The following GALNT14 variants were observed in gnomAD, a reference collection of about 807,000 sequenced individuals.
GALNT14 encodes the protein polypeptide N-acetylgalactosaminyltransferase 14.
A neutral mutation model predicts 77.5 loss-of-function variants in GALNT14; 60 were observed. The observed-to-expected ratio is 0.77, with a 90% CI of 0.63 to 0.96. GALNT14 has a LOEUF of 0.96. Among genes scored for constraint, GALNT14 ranks in the 40% least tolerant of loss-of-function variants. The pLI, the probability that GALNT14 is intolerant of heterozygous loss-of-function variation, is 0.00. For missense variants in GALNT14, 710 were observed against 731.0 expected (o/e 0.97, Z 0.33); for synonymous variants, 280 against 281.7 (o/e 0.99, Z 0.06).
chr2:31,065,894 C>A (rs1674918906), intron 1 of GALNT14, among the ~76,000 whole-genome samples: 1 of 152,090 alleles, frequency 6.6e-6, no homozygotes, highest in African/African-American at 2.4e-5. Context: ...CTAAGTATCC[C>A]CCAGAGACCA....
At chr2:31,109,608 A>C (rs1053386938) in intron 1 of GALNT14, among the ~76,000 whole-genome samples, 1 of 152,234 alleles carries the variant, frequency 6.6e-6, no homozygotes, top group African/African-American at 2.4e-5. Flanking sequence ...AGACACTCAC[A>C]CAGGAACTGG....
intron 1 of GALNT14, chr2:31,114,951 T>G (rs1678032199): frequency 3.2e-6 from 2 of 625,046 alleles, no homozygotes; most frequent in Non-Finnish European, 5.8e-6. Flanking sequence ...CAGAAGACAA[T>G]GGAAAACCAT....
intron 9 of GALNT14, among the ~76,000 whole-genome samples, chr2:30,939,396 G>T (rs989798376): frequency 2.0e-5 from 3 of 152,144 alleles, no homozygotes; most frequent in African/African-American, 7.2e-5. Flanking sequence ...CTAATAGTGG[G>T]TTGGACTCAC....
At chr2:30,954,526 A>C (rs971708979) in intron 6 of GALNT14, among the ~76,000 whole-genome samples, 1 of 152,198 alleles carries the variant, frequency 6.6e-6, no homozygotes, top group Admixed American at 6.5e-5. Flanking sequence ...CCAATCTCAG[A>C]GAAAATGGTT....
chr2:30,991,896 C>T (rs1669728764), intron 2 of GALNT14, among the ~76,000 whole-genome samples: 1 of 152,178 alleles, frequency 6.6e-6, no homozygotes, highest in Non-Finnish European at 1.5e-5. Flanking sequence ...TGCTCATAAA[C>T]CCCAGTTTCC....
In GALNT14 at chr2:31,047,951, C is replaced by T. The variant is rs183857693; in HGVS notation, c.130-54944G>A. Reference sequence around the variant, plus strand: ...CTTCAACTCCAGGTTGTTTCAATGCCGGTACCCAGCCTGTCCTCAACAGCA... The same window carrying T: ...CTTCAACTCCAGGTTGTTTCAATGCTGGTACCCAGCCTGTCCTCAACAGCA... On this transcript the variant is annotated intron_variant, in intron 1 of 14. Coordinates refer to ENST00000349752, the MANE Select transcript of GALNT14 (RefSeq NM_024572.4). Among the ~76,000 whole-genome samples, 169 of 152,348 alleles carry T rather than the reference C, an allele frequency of 1.1e-3. 4 individuals are homozygous for T. The South Asian group carries it at 0.022, about 19-fold the overall frequency.
intron 1 of GALNT14, among the ~76,000 whole-genome samples, chr2:31,112,818 T>C (rs1677910886): frequency 6.6e-6 from 1 of 152,214 alleles, no homozygotes; most frequent in Non-Finnish European, 1.5e-5. Context: ...CAAGTCCTCC[T>C]TTCTCATGTT....
intron 1 of GALNT14, among the ~76,000 whole-genome samples, chr2:31,119,217 C>T (rs910432902): frequency 3.3e-5 from 5 of 151,976 alleles, no homozygotes; most frequent in Admixed American, 2.0e-4. Context: ...AAGACATATT[C>T]GACTGTATTT....
chr2:31,089,321 T>A (rs1676611289), intron 1 of GALNT14, among the ~76,000 whole-genome samples: 1 of 152,082 alleles, frequency 6.6e-6, no homozygotes, highest in African/African-American at 2.4e-5. Context: ...TTCTTTTGAG[T>A]CCCCCACAGT....
chr2:30,933,978 T>C (rs532011628), intron 9 of GALNT14, among the ~76,000 whole-genome samples: 68 of 152,342 alleles, frequency 4.5e-4, no homozygotes, highest in African/African-American at 1.5e-3. Context: ...CTTTAAAACA[T>C]GGACATCACC....
intron 1 of GALNT14, among the ~76,000 whole-genome samples, chr2:31,026,775 T>C (rs1229733531): frequency 2.0e-5 from 3 of 152,236 alleles, no homozygotes; most frequent in Non-Finnish European, 4.4e-5. Context: ...CATGCCATCA[T>C]GGCAGGTCAT....
intron 1 of GALNT14, among the ~76,000 whole-genome samples, chr2:31,082,542 T>C (rs946455894): frequency 3.9e-5 from 6 of 152,112 alleles, no homozygotes; most frequent in African/African-American, 9.7e-5. Flanking sequence ...ATGAATTAGG[T>C]ATTCAAGGCA....
At chr2:31,071,054 G>T (rs1358328358) in intron 1 of GALNT14, among the ~76,000 whole-genome samples, 1 of 152,158 alleles carries the variant, frequency 6.6e-6, no homozygotes, top group Non-Finnish European at 1.5e-5. Flanking sequence ...AAGCTGTGAG[G>T]ATACAAAGGC....
intron 1 of GALNT14, among the ~76,000 whole-genome samples, chr2:31,126,517 T>G (rs1223368891): frequency 2.0e-5 from 3 of 152,128 alleles, no homozygotes; most frequent in Non-Finnish European, 4.4e-5. Context: ...GCAGTGTTGT[T>G]AAAAAGAATA....
intron 1 of GALNT14, among the ~76,000 whole-genome samples, chr2:31,105,860 T>C (rs1320021535): frequency 1.3e-5 from 2 of 152,238 alleles, no homozygotes; most frequent in Non-Finnish European, 2.9e-5. Context: ...CTGACACTTC[T>C]AATTCCAATC....
At chr2:31,083,308 C>A (rs148352807) in intron 1 of GALNT14, among the ~76,000 whole-genome samples, 193 of 152,294 alleles carry the variant, frequency 1.3e-3, no homozygotes, top group African/African-American at 4.5e-3. Flanking sequence ...GGGAGCCAAG[C>A]ACCACACGTT....
intron 1 of GALNT14, among the ~76,000 whole-genome samples, chr2:31,006,855 GC>G (rs1670703354): frequency 6.6e-6 from 1 of 152,248 alleles, no homozygotes; most frequent in Non-Finnish European, 1.5e-5. Flanking sequence ...TTTCAGCTGA[GC>G]AGAATTTGTT....
chr2:30,919,775 G>A (rs1303898802), intron 13 of GALNT14, among the ~76,000 whole-genome samples: 1 of 152,242 alleles, frequency 6.6e-6, no homozygotes, highest in Non-Finnish European at 1.5e-5. Flanking sequence ...TATGCAGCCA[G>A]GGTGTGAAGA....
In GALNT14 at chr2:31,035,581, G is replaced by T. The variant is rs560999930; in HGVS notation, c.130-42574C>A. Reference sequence around the variant, plus strand: ...TGTGTGTGTGTGTATGTGTGTGTGTGTGTGTATACATATACATATACACAC... The same window carrying T: ...TGTGTGTGTGTGTATGTGTGTGTGTTTGTGTATACATATACATATACACAC... On this transcript the variant is annotated intron_variant, in intron 1 of 14. Transcript: ENST00000349752. Among the ~76,000 whole-genome samples, 3 of 141,484 alleles carry T rather than the reference G, an allele frequency of 2.1e-5. No homozygotes were observed. In the South Asian group the frequency reaches 6.9e-4, roughly 33 times the overall value. The allele number at this position is 141,484 out of a possible 152,430, so 92.8% of individuals were successfully genotyped here.
Sources: allele counts gnomAD v4.1 joint callset (sites outside exome capture counted in the v4.1 genomes callset), GRCh38; gene constraint gnomAD v4.1.1; transcripts MANE v1.5; gene names NCBI Gene and HGNC (gene_info 2026-07-23, HGNC 2026-07-21).